Variants in PISD observed in about 807,000 individuals in gnomAD.
PISD encodes the protein phosphatidylserine decarboxylase proenzyme, mitochondrial.
A neutral mutation model predicts 43.5 loss-of-function variants in PISD; 31 were observed. The ratio of observed to expected loss-of-function variants is 0.71; its 90% CI spans 0.54 to 0.96. The LOEUF is 0.96. PISD is among the 40% of genes least tolerant of loss of function. The pLI is 0.00. For missense variants in PISD, 523 were observed against 548.4 expected, an observed-to-expected ratio of 0.95 and a Z score of 0.46; for synonymous variants, 259 against 228.7, an observed-to-expected ratio of 1.13 and a Z score of -1.20.
At chr22:31,651,719 C>T (rs998295152) in intron 1 of PISD, among the ~76,000 whole-genome samples, 2 of 152,020 alleles carry the variant, frequency 1.3e-5, no homozygotes, top group African/African-American at 4.8e-5. Context: ...TTGCACTCCA[C>T]CCTGGGCAAC....
At chr22:31,620,206 T>C (rs28374120) in intron 7 of PISD, among the ~76,000 whole-genome samples, 3,040 of 152,326 alleles carry the variant, frequency 0.02, 93 homozygotes, top group African/African-American at 0.068. Flanking sequence ...TGACCCCTCA[T>C]GCTGTAACCA....
intron 3 of PISD, chr22:31,625,447 T>A: frequency 2.0e-6 from 1 of 494,038 alleles, no homozygotes; most frequent in South Asian, 2.5e-5. Flanking sequence ...CTAGGTGGGG[T>A]GCAGAGGCAA....
intron 1 of PISD, among the ~76,000 whole-genome samples, chr22:31,652,955 C>T (rs1269512326): frequency 1.3e-5 from 2 of 151,364 alleles, no homozygotes; most frequent in Admixed American, 1.3e-4. Context: ...GGGAGGATCG[C>T]CTGAACCCAG....
At position 31,621,120 on chromosome 22, in the gene PISD, C is replaced by A. The variant is rs1238883610; in HGVS notation, c.720G>T (p.Lys240Asn). 7 of 1,614,090 alleles carry A rather than the reference C, an allele frequency of 4.3e-6. No homozygotes were observed. Among genetic ancestry groups the A allele is most frequent in the Non-Finnish European group, 5.9e-6 (7 of 1,180,054 alleles). The change falls in exon 6 of 8, where the codon AAG becomes AAT. Residue 240 changes from lysine to asparagine, a missense_variant. Lys to Asn is a moderately conservative substitution (Grantham distance 94). Transcript: ENST00000439502. ...FPPAASCDSF[K>N]NQLVTREGNE... ...TCCCTTCCCGGGTGACCAGCTGGTT[C>A]TTGAAGGAGTCACACGACGCGGCTG...
intron 3 of PISD, among the ~76,000 whole-genome samples, chr22:31,625,170 G>C (rs1415978306): frequency 1.3e-5 from 2 of 152,248 alleles, no homozygotes; most frequent in Non-Finnish European, 2.9e-5. Flanking sequence ...CAGCAGAGCA[G>C]ACGGCAGGCG....
In PISD at chr22:31,618,551, A is replaced by T. The variant is rs1041426712; in HGVS notation, c.*1061T>A. The T allele has an allele frequency of 1.6e-5, 15 of 917,624 alleles. No individual in the cohort carries two copies. In the African/African-American group the frequency reaches 2.5e-4, roughly 16 times the overall value. 56.8% of individuals were successfully genotyped at this position (917,624 alleles called of 1,614,324 possible). ...GCAATTAAATGAATTACTGTTCAGA[A>T]GTCTCCCACTTTTCATACAAAAATA... On this transcript the variant is annotated 3_prime_UTR_variant, in exon 8 of 8. Coordinates refer to ENST00000439502, the MANE Select transcript of PISD (RefSeq NM_001326411.2).
rs1240361604 is a variant in PISD, at chr22:31,635,397, G to A, written c.321+12704C>T. On this transcript the variant is annotated intron_variant, in intron 3 of 7. Transcript: ENST00000439502. The stretch of plus-strand genomic sequence containing the variant: ...GGCTCACCACAACCTCTGCCTCCCG[G>A]GTTCAAGCAATTCTCATGCCTCAGC... Among the ~76,000 whole-genome samples, 5 of 151,958 alleles carry A rather than the reference G, an allele frequency of 3.3e-5. No individual in the cohort carries two copies. In the East Asian group the frequency reaches 5.9e-4, roughly 18 times the overall value.
chr22:31,637,522 C>T (rs577252156), intron 3 of PISD, among the ~76,000 whole-genome samples: 1 of 152,150 alleles, frequency 6.6e-6, no homozygotes, highest in East Asian at 1.9e-4. Flanking sequence ...TCCTCCTGCA[C>T]CAGCTCGCGG....
intron 1 of PISD, among the ~76,000 whole-genome samples, chr22:31,656,233 A>G (rs1463674360): frequency 1.3e-5 from 2 of 152,176 alleles, no homozygotes; most frequent in Middle Eastern, 3.4e-3. Context: ...AATCCCAGCT[A>G]CTTGGGAGAC....
intron 3 of PISD, among the ~76,000 whole-genome samples, chr22:31,628,587 G>C (rs11703787): frequency 0.016 from 2,375 of 152,314 alleles, 33 homozygotes; most frequent in Admixed American, 0.033. Flanking sequence ...GAACTCAGAG[G>C]GCTTTGTGGC....
chr22:31,627,997 C>G lies in PISD; in HGVS notation c.322-6112G>C, dbSNP rs1213143466. The G allele has an allele frequency of 4.1e-6, 4 of 983,752 alleles. No individual in the cohort carries two copies. In the East Asian group the frequency reaches 4.5e-4, roughly 112 times the overall value. The allele number at this position is 983,752 out of a possible 1,614,324, so 60.9% of individuals were successfully genotyped here. On this transcript the variant is annotated intron_variant, in intron 3 of 7. Coordinates refer to ENST00000439502, the MANE Select transcript of PISD (RefSeq NM_001326411.2). ...CATCCTGAGAGGCCAGGCTGGGGCA[C>G]CGCACCTGCCAGTGAGCCCAGTGAG...
intron 3 of PISD, chr22:31,625,873 T>A: frequency 6.4e-7 from 1 of 1,554,456 alleles, no homozygotes; most frequent in Non-Finnish European, 8.7e-7. Context: ...TGTTTTCCTC[T>A]TTCCTCCCCT....
intron 1 of PISD, among the ~76,000 whole-genome samples, chr22:31,655,311 A>AC (rs566326035): frequency 0.056 from 8,189 of 145,414 alleles, 205 homozygotes; most frequent in Non-Finnish European, 0.065. Flanking sequence ...CTCAGGTACA[A>AC]CCCCCTTTTT....
intron 3 of PISD, chr22:31,626,003 A>G: frequency 6.9e-7 from 1 of 1,450,796 alleles, no homozygotes; most frequent in Non-Finnish European, 9.1e-7. Context: ...AGGGTGCAGA[A>G]TAGAGGGTCA....
intron 3 of PISD, among the ~76,000 whole-genome samples, chr22:31,636,170 A>C (rs1361493403): frequency 2.6e-5 from 4 of 152,252 alleles, no homozygotes; most frequent in Non-Finnish European, 5.9e-5. Flanking sequence ...GGAGAGAAGG[A>C]GGACACAGGC....
intron 3 of PISD, among the ~76,000 whole-genome samples, chr22:31,626,991 C>G (rs2072942852): frequency 6.6e-6 from 1 of 152,262 alleles, no homozygotes; most frequent in African/African-American, 2.4e-5. Flanking sequence ...GCCATGAGGC[C>G]TAACTCAGAC....
chr22:31,648,432 C>A (rs2073941365), intron 2 of PISD, among the ~76,000 whole-genome samples, 156 bp from the exon 3 acceptor site: 1 of 152,146 alleles, frequency 6.6e-6, no homozygotes, highest in African/African-American at 2.4e-5. Context: ...AATCTCAGCA[C>A]TTTGGGAGGC....
intron 2 of PISD, among the ~76,000 whole-genome samples, chr22:31,649,698 A>C (rs1458233501): frequency 2.0e-5 from 3 of 152,182 alleles, no homozygotes; most frequent in Non-Finnish European, 4.4e-5. Context: ...CCACCACTGC[A>C]CTCAGCCTGG....
At chr22:31,642,404 G>C (rs569593890) in intron 3 of PISD, among the ~76,000 whole-genome samples, 1 of 151,328 alleles carries the variant, frequency 6.6e-6, no homozygotes, top group South Asian at 2.1e-4. Context: ...ACAGTGAGCT[G>C]TGACTGTGCC....
Sources: allele counts gnomAD v4.1 joint callset (sites outside exome capture counted in the v4.1 genomes callset), GRCh38; gene constraint gnomAD v4.1.1; transcripts MANE v1.5; gene names NCBI Gene and HGNC (gene_info 2026-07-23, HGNC 2026-07-21).